ZNF821: variants seen among roughly 807,000 people sequenced by gnomAD.
ZNF821 encodes zinc finger protein 821.
ZNF821 carries 16 observed loss-of-function variants against 44.3 expected under a neutral mutation model. The observed-to-expected ratio is 0.36, with a 90% CI of 0.24 to 0.55. The LOEUF is 0.55. Ranked by LOEUF, ZNF821 falls within the 20% of genes least tolerant of loss-of-function variation. The probability of loss-of-function intolerance (pLI) is 0.86; values close to 1 mark genes in which losing one functional copy is unlikely to be tolerated. For synonymous variants in ZNF821, 204 were observed against 197.6 expected, an observed-to-expected ratio of 1.03 and a Z score of -0.27; for missense variants, 436 against 547.6, an observed-to-expected ratio of 0.80 and a Z score of 2.03.
chr16:71,891,330 G>A (rs1160358786), intron 1 of ZNF821: 1 of 152,224 alleles, frequency 6.6e-6, no homozygotes, highest in Non-Finnish European at 1.5e-5. Context: ...AAGGGAAACA[G>A]TGTTTATTTT....
intron 3 of ZNF821, among the ~76,000 whole-genome samples, chr16:71,868,629 G>A (rs1934489441): frequency 6.6e-6 from 1 of 152,112 alleles, no homozygotes; most frequent in Non-Finnish European, 1.5e-5. Flanking sequence ...ATTAACAACT[G>A]GTTGAATAGT....
upstream of ZNF821, among the ~76,000 whole-genome samples, chr16:71,887,372 G>C (rs1380781453): frequency 6.8e-6 from 1 of 148,056 alleles, no homozygotes; most frequent in Non-Finnish European, 1.5e-5. Context: ...CCATTCTCCT[G>C]CCTCAGCCTC....
upstream of ZNF821, among the ~76,000 whole-genome samples, chr16:71,885,990 T>A (rs200777561): frequency 8.5e-5 from 13 of 152,348 alleles, no homozygotes; most frequent in East Asian, 2.5e-3. Flanking sequence ...ATGGCTTTAT[T>A]ATGTCACTTT....
chr16:71,864,308 T>TA, intron 5 of ZNF821, 66 bp from the exon 6 acceptor site: 1 of 1,419,386 alleles, frequency 7.0e-7, no homozygotes, highest in Non-Finnish European at 1.0e-6. Context: ...CCCAGCTTTT[T>TA]AAACAGGGTA....
In ZNF821 at chr16:71,864,186, G is replaced by A. The variant is rs1340595975; in HGVS notation, c.369C>T (p.Cys123=). 1 of 1,614,232 alleles carries A rather than the reference G, an allele frequency of 6.2e-7. No homozygotes were observed. The highest frequency in any genetic ancestry group is 8.5e-7 in the Non-Finnish European group (1 of 1,180,036). ...PLLELCQCPL[C]QLDCGSREQL... is the part of the protein sequence containing the mutation. Reference sequence around the variant, plus strand: ...GCTCCCGGCTCCCGCAGTCTAGCTGGCAGAGGGGACACTGGCAGAGTTCAA... The same window carrying A: ...GCTCCCGGCTCCCGCAGTCTAGCTGACAGAGGGGACACTGGCAGAGTTCAA... The change falls in exon 6 of 8, where the codon TGC becomes TGT. Residue 123 remains cysteine (C), a synonymous_variant. Transcript: ENST00000425432.
At chr16:71,868,734 C>G (rs1443291795) in intron 3 of ZNF821, among the ~76,000 whole-genome samples, 1 of 151,850 alleles carries the variant, frequency 6.6e-6, no homozygotes, top group African/African-American at 2.4e-5. Context: ...TTCATGTAGT[C>G]TTCTTGGTCC....
At position 71,859,977 on chromosome 16, in the gene ZNF821, G is replaced by GGGTA. The variant is rs1232967897; in HGVS notation, c.*37_*40dup. The GGGTA allele has an allele frequency of 1.3e-6, 2 of 1,510,994 alleles. No homozygotes were observed. Among genetic ancestry groups the GGGTA allele is most frequent in the South Asian group, 1.3e-5 (1 of 76,430 alleles). The allele number at this position is 1,510,994 out of a possible 1,614,324, so 93.6% of individuals were successfully genotyped here. A position where few individuals can be genotyped will look rare whatever the true frequency, so the allele number is the denominator to read the frequency against. ...CTCGTGGCTGTGGGTGTGGGTGGGT[G>GGGTA]GGTAGGTAGGTGGGAAGGAGGGCAG... On this transcript the variant is annotated 3_prime_UTR_variant, in exon 8 of 8. Transcript: ENST00000425432.
chr16:71,871,552 T>C (rs1329554043), intron 3 of ZNF821, among the ~76,000 whole-genome samples: 1 of 152,226 alleles, frequency 6.6e-6, no homozygotes, highest in Non-Finnish European at 1.5e-5. Flanking sequence ...ATGTGATCTA[T>C]GGAGATACTA....
At chr16:71,878,923 CAAA>C (rs1168652069) in intron 3 of ZNF821, among the ~76,000 whole-genome samples, 5 of 61,738 alleles carry the variant, frequency 8.1e-5, no homozygotes, top group Non-Finnish European at 6.7e-5. Context: ...GACTCTGTCT[CAAA>C]AAAAAAAAAA....
At chr16:71,869,374 A>G (rs1452647720) in intron 3 of ZNF821, among the ~76,000 whole-genome samples, 1 of 152,186 alleles carries the variant, frequency 6.6e-6, no homozygotes, top group Non-Finnish European at 1.5e-5. Context: ...GAAAGACTTG[A>G]TGTGGAGTAG....
chr16:71,890,163 G>A (rs2036877464), intron 1 of ZNF821, among the ~76,000 whole-genome samples: 1 of 152,052 alleles, frequency 6.6e-6, no homozygotes, highest in African/African-American at 2.4e-5. Flanking sequence ...TCTTTAACAA[G>A]TGATCTTGAT....
chr16:71,889,988 A>T (rs1173816038), intron 1 of ZNF821, among the ~76,000 whole-genome samples: 1 of 152,178 alleles, frequency 6.6e-6, no homozygotes, highest in African/African-American at 2.4e-5. Context: ...AAACAAAAAA[A>T]TGATTTTTGA....
upstream of ZNF821, chr16:71,885,496 A>G (rs1717707371): frequency 6.6e-6 from 1 of 152,244 alleles, no homozygotes; most frequent in South Asian, 2.1e-4. Flanking sequence ...ACAAATGGCT[A>G]AAAGCATCAT....
At chr16:71,866,371 T>A (rs2034545348) in intron 4 of ZNF821, among the ~76,000 whole-genome samples, 1 of 152,192 alleles carries the variant, frequency 6.6e-6, no homozygotes, top group Non-Finnish European at 1.5e-5. Context: ...AGATAAATAC[T>A]CCAGGCAACT....
intron 6 of ZNF821, 64 bp downstream of exon 6, chr16:71,864,074 G>A (rs2034247067): frequency 7.0e-7 from 1 of 1,436,710 alleles, no homozygotes; most frequent in Non-Finnish European, 9.8e-7. Flanking sequence ...GCCAAACCAG[G>A]ATCTGGGCTA....
At chr16:71,881,421 GTTCTT>G (rs2036411793) in intron 2 of ZNF821, 1 of 152,090 alleles carries the variant, frequency 6.6e-6, no homozygotes, top group Non-Finnish European at 1.5e-5. Flanking sequence ...ATCAAACACA[GTTCTT>G]TTTCAGACCT....
At chr16:71,889,043 G>T (rs561781045), upstream of ZNF821, among the ~76,000 whole-genome samples, 37 of 152,024 alleles carry the variant, frequency 2.4e-4, no homozygotes, top group African/African-American at 8.9e-4. Context: ...CCAGGAGTTT[G>T]AGACCAGTCT....
At chr16:71,867,134 C>T (rs1244075744) in intron 4 of ZNF821, among the ~76,000 whole-genome samples, 8 of 152,332 alleles carry the variant, frequency 5.3e-5, no homozygotes, top group African/African-American at 1.4e-4. Context: ...GCATTTTATA[C>T]ACTGCATAAC....
At chr16:71,874,421 C>G (rs956939145) in intron 3 of ZNF821, among the ~76,000 whole-genome samples, 3 of 151,970 alleles carry the variant, frequency 2.0e-5, no homozygotes, top group African/African-American at 7.2e-5. Context: ...TTTCCTGCCC[C>G]CCAGACCTTG....
Sources: allele counts gnomAD v4.1 joint callset (sites outside exome capture counted in the v4.1 genomes callset), GRCh38; gene constraint gnomAD v4.1.1; transcripts MANE v1.5; gene names NCBI Gene and HGNC (gene_info 2026-07-23, HGNC 2026-07-21).